POMK: variants seen among roughly 807,000 people sequenced by gnomAD.
POMK encodes Sugen kinase 196.
A neutral mutation model predicts 23.0 loss-of-function variants in POMK; 19 were observed. The observed-to-expected ratio is 0.83, with a 90% CI of 0.58 to 1.21. The LOEUF (loss-of-function observed/expected upper bound fraction) is 1.21. POMK is among the 50% of genes most tolerant of loss of function. The pLI, the probability that POMK is intolerant of heterozygous loss-of-function variation, is 0.00. For missense variants in POMK, 410 were observed against 431.3 expected (o/e 0.95, Z 0.44); for synonymous variants, 173 against 171.6 (o/e 1.01, Z -0.06).
chr8:43,099,174 C>A (rs146354743), intron 2 of POMK, among the ~76,000 whole-genome samples: 1 of 152,230 alleles, frequency 6.6e-6, no homozygotes, highest in African/African-American at 2.4e-5. Flanking sequence ...TGGTCTGGAA[C>A]TCCTAGGCTC....
intron 1 of POMK, among the ~76,000 whole-genome samples, chr8:43,094,167 C>G (rs188533165): frequency 7.9e-5 from 12 of 152,296 alleles, no homozygotes; most frequent in African/African-American, 2.9e-4. Flanking sequence ...GGTCTTGGCT[C>G]CTGGGATTAC....
intron 4 of POMK, among the ~76,000 whole-genome samples, chr8:43,117,842 A>G (rs909289142): frequency 6.6e-6 from 1 of 152,236 alleles, no homozygotes; most frequent in Admixed American, 6.5e-5. Flanking sequence ...GCATGCTAGC[A>G]CAGACTTTGG....
chr8:43,096,710 A>G (rs1443034574), intron 1 of POMK, among the ~76,000 whole-genome samples: 1 of 152,242 alleles, frequency 6.6e-6, no homozygotes, highest in East Asian at 1.9e-4. Context: ...CTCTCCCTGC[A>G]TGTATCAGAG....
rs775925983 is a variant in POMK at position 43,122,128 on chromosome 8, G to A, written c.304G>A (p.Glu102Lys). Residue 102 changes from glutamate (E) to lysine (K), a missense_variant, in exon 5 of 5, where the codon GAG becomes AAG. Transcript: ENST00000331373. ...GCAGGTCTTTCTGTCTGAGTGGAAG[G>A]AGCACAAAGTTGCACTCTCACAGCT... ...VKRVFLSEWK[E>K]HKVALSQLTS... is the part of the protein sequence containing the mutation. 1 of 1,613,976 alleles carries A rather than the reference G, an allele frequency of 6.2e-7. No individual in the cohort carries two copies. The highest frequency in any genetic ancestry group is 8.5e-7 in the Non-Finnish European group (1 of 1,180,008).
At chr8:43,110,509 C>G (rs771483405) in intron 4 of POMK, among the ~76,000 whole-genome samples, 11 of 152,246 alleles carry the variant, frequency 7.2e-5, no homozygotes, top group Non-Finnish European at 4.4e-5. Flanking sequence ...ACGTTCACAA[C>G]TTACAGAGAC....
intron 4 of POMK, among the ~76,000 whole-genome samples, chr8:43,107,830 G>A (rs916019395): frequency 2.6e-5 from 4 of 152,086 alleles, no homozygotes; most frequent in Non-Finnish European, 4.4e-5. Context: ...ATAGGTGCAC[G>A]TCGCCATGCC....
intron 2 of POMK, among the ~76,000 whole-genome samples, chr8:43,099,813 G>A (rs1393773526): frequency 6.6e-6 from 1 of 152,114 alleles, no homozygotes; most frequent in African/African-American, 2.4e-5. Context: ...CTTGGGAACT[G>A]GTGGAAATGC....
At chr8:43,113,627 G>A (rs961258721) in intron 4 of POMK, among the ~76,000 whole-genome samples, 3 of 152,184 alleles carry the variant, frequency 2.0e-5, no homozygotes, top group African/African-American at 4.8e-5. Context: ...GTCATTCTCC[G>A]TCCAGCTTTT....
Position 43,122,128 on chromosome 8 carries a change from G to T in POMK, c.304G>T (p.Glu102Ter), listed in dbSNP as rs775925983. Residue 102 changes from glutamate to a stop codon, truncating the protein, a stop_gained, in exon 5 of 5, where the codon GAG (glutamate) becomes TAG (stop). Transcript: ENST00000331373. LOFTEE classifies it high-confidence loss of function. ...VKRVFLSEWK[E>*]HKVALSQLTS... ...GCAGGTCTTTCTGTCTGAGTGGAAGGAGCACAAAGTTGCACTCTCACAGCT... is the reference window on the plus strand; with the variant it reads ...GCAGGTCTTTCTGTCTGAGTGGAAGTAGCACAAAGTTGCACTCTCACAGCT... 2.5e-6 allele frequency: 4 copies of T among 1,614,094 alleles called. No homozygotes were observed. Among genetic ancestry groups the T allele is most frequent in the Non-Finnish European group, 3.4e-6 (4 of 1,180,000 alleles).
intron 4 of POMK, among the ~76,000 whole-genome samples, chr8:43,107,539 T>C (rs1423565281): frequency 6.6e-6 from 1 of 151,504 alleles, no homozygotes; most frequent in Non-Finnish European, 1.5e-5. Context: ...CACACCTGGC[T>C]AATTTTTGTA....
intron 4 of POMK, among the ~76,000 whole-genome samples, chr8:43,119,900 T>C (rs529954336): frequency 6.6e-6 from 1 of 151,910 alleles, no homozygotes; most frequent in Non-Finnish European, 1.5e-5. Context: ...TTCATGGTCC[T>C]TGGGTCTAAC....
rs191707229 is a variant in POMK, at chr8:43,112,447, C to A, written c.282+8617C>A. 1.3e-3 allele frequency among the ~76,000 whole-genome samples: 201 copies of A among 152,296 alleles called. 1 individual carries two copies. Among genetic ancestry groups the A allele is most frequent in the South Asian group, 0.011 (52 of 4,828 alleles). On this transcript the variant is annotated intron_variant, in intron 4 of 4. Coordinates refer to ENST00000331373, the MANE Select transcript of POMK (RefSeq NM_032237.5). Reference sequence around the variant, plus strand: ...CCAAATCTACGTCTGATTGGTGTACCTGAAGGTGACGGGGAGAATGGAACC... The same window carrying A: ...CCAAATCTACGTCTGATTGGTGTACATGAAGGTGACGGGGAGAATGGAACC...
chr8:43,112,718 A>G (rs567907921), intron 4 of POMK, among the ~76,000 whole-genome samples: 4 of 152,256 alleles, frequency 2.6e-5, no homozygotes, highest in African/African-American at 4.8e-5. Flanking sequence ...CGGATCTCTC[A>G]GCAGAAACTC....
chr8:43,104,686 T>C (rs904138782), intron 4 of POMK, among the ~76,000 whole-genome samples: 23 of 152,342 alleles, frequency 1.5e-4, no homozygotes, highest in Non-Finnish European at 2.1e-4. Context: ...GTCTTATACA[T>C]GTAATCCCAG....
chr8:43,112,752 C>A (rs1198175016), intron 4 of POMK, among the ~76,000 whole-genome samples: 2 of 152,136 alleles, frequency 1.3e-5, no homozygotes, highest in Non-Finnish European at 2.9e-5. Context: ...AGAGTGGGGG[C>A]CAATATTCAA....
At chr8:43,096,533 CCTGTAATCCCAGCT>C (rs575378015) in intron 1 of POMK, among the ~76,000 whole-genome samples, 181 of 152,210 alleles carry the variant, frequency 1.2e-3, no homozygotes, top group African/African-American at 2.9e-3. Context: ...GTGGCACGTG[CCTGTAATCCCAGCT>C]CTGTAATCCC....
chr8:43,122,817 C>T lies in POMK; in HGVS notation c.993C>T (p.Tyr331=), dbSNP rs1226628885. Residue 331 remains tyrosine, a synonymous_variant, in exon 5 of 5, where the codon TAC becomes TAT. Coordinates refer to ENST00000331373, the MANE Select transcript of POMK (RefSeq NM_032237.5). ...CTGCCCAGGACGTTCTGGAGACCTACCAGAAGGTCTTGGATACACTTAGAG... is the reference window on the plus strand; with the variant it reads ...CTGCCCAGGACGTTCTGGAGACCTATCAGAAGGTCTTGGATACACTTAGAG... ...RPTAQDVLET[Y]QKVLDTLRDA... is the part of the protein sequence containing the mutation. 1 of 1,614,016 alleles carries T rather than the reference C, an allele frequency of 6.2e-7. No homozygotes were observed. Among genetic ancestry groups the T allele is most frequent in the Admixed American group, 1.7e-5 (1 of 60,016 alleles).
intron 1 of POMK, among the ~76,000 whole-genome samples, chr8:43,095,704 T>C (rs1811320465): frequency 6.6e-6 from 1 of 152,122 alleles, no homozygotes. Context: ...CTTGCACAAA[T>C]CCTCTTGCCA....
chr8:43,119,832 A>G (rs755921975), intron 4 of POMK, among the ~76,000 whole-genome samples: 21 of 152,244 alleles, frequency 1.4e-4, no homozygotes, highest in South Asian at 2.1e-4. Flanking sequence ...TTATGAGCCA[A>G]TCAAAGTTAT....
Sources: allele counts gnomAD v4.1 joint callset (sites outside exome capture counted in the v4.1 genomes callset), GRCh38; gene constraint gnomAD v4.1.1; transcripts MANE v1.5; gene names NCBI Gene and HGNC (gene_info 2026-07-23, HGNC 2026-07-21).